Variants in CENPE observed in about 807,000 individuals in gnomAD.
CENPE encodes the protein centromere-associated protein E.
Under a neutral mutation model 336.1 loss-of-function variants are expected in CENPE, and 145 were observed. That is an observed-to-expected ratio of 0.43 (90% CI 0.38 to 0.50). CENPE has a LOEUF of 0.50. Among genes scored for constraint, CENPE ranks in the 20% least tolerant of loss-of-function variants. CENPE has a pLI of 0.00. For synonymous variants in CENPE, 1,013 were observed against 984.8 expected, an observed-to-expected ratio of 1.03 and a Z score of -0.54; for missense variants, 2,719 against 3,023.3, an observed-to-expected ratio of 0.90 and a Z score of 2.36.
chr4:103,177,132 C>T lies in CENPE; in HGVS notation c.1243-86G>A. On this transcript the variant is annotated intron_variant, in intron 13 of 48. Transcript: ENST00000265148. Reference sequence around the variant, plus strand: ...GGGAACTAGTTTCTATTTTTGAAAACCATTGACTTGGTAGAATTCTTATTA... The same window carrying T: ...GGGAACTAGTTTCTATTTTTGAAAATCATTGACTTGGTAGAATTCTTATTA... 5.5e-6 allele frequency: 6 copies of T among 1,095,670 alleles called. No homozygotes were observed. In the South Asian group the frequency reaches 9.6e-5, roughly 17 times the overall value. The allele number at this position is 1,095,670 out of a possible 1,614,324, so 67.9% of individuals were successfully genotyped here.
chr4:103,150,449 G>C (rs558602502), intron 26 of CENPE, among the ~76,000 whole-genome samples: 6 of 152,094 alleles, frequency 3.9e-5, no homozygotes, highest in African/African-American at 1.4e-4. Context: ...GGGTGTTGTG[G>C]CACAGCTAAT....
chr4:103,118,312 C>T (rs1750318256), intron 44 of CENPE, among the ~76,000 whole-genome samples: 1 of 152,188 alleles, frequency 6.6e-6, no homozygotes, highest in South Asian at 2.1e-4. Context: ...TCTCTGATGA[C>T]ATATGATATG....
chr4:103,111,437 C>G (rs1749416933), intron 46 of CENPE, among the ~76,000 whole-genome samples: 1 of 152,252 alleles, frequency 6.6e-6, no homozygotes, highest in South Asian at 2.1e-4. Flanking sequence ...TATATGTATT[C>G]AATACATATT....
chr4:103,132,916 C>A lies in CENPE; in HGVS notation c.6721-20G>T. On this transcript the variant is annotated intron_variant, in intron 41 of 48. Coordinates refer to ENST00000265148, the MANE Select transcript of CENPE (RefSeq NM_001813.3). ...AATTTCCTGTGTGAAAAATAAGCGT[C>A]AAATTGTTTAAACATTAGGAAAGTT... The A allele has an allele frequency of 9.1e-7, 1 of 1,097,868 alleles. No individual in the cohort carries two copies. Among genetic ancestry groups the A allele is most frequent in the South Asian group, 2.3e-5 (1 of 44,320 alleles). 68.0% of individuals were successfully genotyped at this position (1,097,868 alleles called of 1,614,324 possible). A position where few individuals can be genotyped will look rare whatever the true frequency, so the allele number is the denominator to read the frequency against.
At chr4:103,189,979 G>A (rs998297341) in intron 8 of CENPE, among the ~76,000 whole-genome samples, 5 of 152,134 alleles carry the variant, frequency 3.3e-5, no homozygotes, top group African/African-American at 1.2e-4. Flanking sequence ...AAAATCACAA[G>A]CATTCTTATA....
chr4:103,194,768 A>T, intron 5 of CENPE, 84 bp from the exon 6 acceptor site: 2 of 1,003,958 alleles, frequency 2.0e-6, no homozygotes, highest in Non-Finnish European at 2.9e-6. Flanking sequence ...CTATTATAGA[A>T]TTCATTTGTG....
At chr4:103,167,810 G>A (rs1020055776) in intron 16 of CENPE, among the ~76,000 whole-genome samples, 1 of 152,132 alleles carries the variant, frequency 6.6e-6, no homozygotes, top group African/African-American at 2.4e-5. Flanking sequence ...GCCCTGTTTG[G>A]CCTAGAGTCT....
chr4:103,178,261 G>A (rs1355513465), intron 13 of CENPE, among the ~76,000 whole-genome samples: 1 of 151,906 alleles, frequency 6.6e-6, no homozygotes, highest in Non-Finnish European at 1.5e-5. Context: ...CCAGAAGACC[G>A]GCTGACAAGA....
chr4:103,178,232 C>A (rs1168590671), intron 13 of CENPE, among the ~76,000 whole-genome samples: 1 of 152,108 alleles, frequency 6.6e-6, no homozygotes, highest in Admixed American at 6.5e-5. Context: ...GCCTCCTGAG[C>A]ACTGCCAGAG....
Position 103,182,717 on chromosome 4 carries a change from A to G in CENPE, c.963+45T>C, listed in dbSNP as rs753860425. 3 of 1,494,526 alleles carry G rather than the reference A, an allele frequency of 2.0e-6. No homozygotes were observed. The East Asian group carries it at 7.1e-5, about 35-fold the overall frequency. The allele number at this position is 1,494,526 out of a possible 1,614,324, so 92.6% of individuals were successfully genotyped here. Reference sequence around the variant, plus strand: ...TTAGTAGGTAATGTTTTCTTCTTCAAGCTGATCTTCCCCTATATTAAGCTG... The same window carrying G: ...TTAGTAGGTAATGTTTTCTTCTTCAGGCTGATCTTCCCCTATATTAAGCTG... On this transcript the variant is annotated intron_variant, in intron 11 of 48. Transcript: ENST00000265148.
intron 16 of CENPE, among the ~76,000 whole-genome samples, chr4:103,167,111 C>T (rs1451396581): frequency 2.0e-5 from 3 of 152,098 alleles, no homozygotes; most frequent in Non-Finnish European, 4.4e-5. Context: ...ACAAAATTAG[C>T]TTCTCCAGCT....
chr4:103,132,983 T>TATATATATATATATATATATATAA (rs1185133774), intron 41 of CENPE, 87 bp from the exon 42 acceptor site: 32 of 191,144 alleles, frequency 1.7e-4, no homozygotes, highest in African/African-American at 2.5e-4. Flanking sequence ...TATATATATA[T>TATATATATATATATATATATATAA]AAAATAAAAA....
chr4:103,162,551 T>C (rs1187530004), intron 18 of CENPE, among the ~76,000 whole-genome samples: 1 of 151,052 alleles, frequency 6.6e-6, no homozygotes, highest in Non-Finnish European at 1.5e-5. Context: ...CTGAAAAAAA[T>C]TCGGAATTTT....
intron 28 of CENPE, 74 bp from the exon 29 acceptor site, chr4:103,147,720 A>AACAGAGTGAGATGCCG: frequency 7.5e-7 from 1 of 1,341,340 alleles, no homozygotes; most frequent in Non-Finnish European, 1.0e-6. Context: ...TTGAGACGGC[A>AACAGAGTGAGATGCCG]TCTCACTCTG....
chr4:103,152,798 T>C (rs1753668574), intron 25 of CENPE, among the ~76,000 whole-genome samples: 1 of 152,128 alleles, frequency 6.6e-6, no homozygotes, highest in African/African-American at 2.4e-5. Flanking sequence ...GGACTGATAA[T>C]CTGGCGGGGA....
chr4:103,185,562 T>C (rs1275448986), intron 9 of CENPE, among the ~76,000 whole-genome samples: 1 of 152,108 alleles, frequency 6.6e-6, no homozygotes, highest in African/African-American at 2.4e-5. Context: ...GCTTTCCTGC[T>C]GTACAATCCC....
intron 24 of CENPE, among the ~76,000 whole-genome samples, chr4:103,153,527 C>T (rs1004493399): frequency 3.3e-5 from 5 of 152,144 alleles, no homozygotes; most frequent in Non-Finnish European, 7.4e-5. Flanking sequence ...AGTTTGTGCT[C>T]TTACGTCTGT....
intron 11 of CENPE, among the ~76,000 whole-genome samples, chr4:103,182,117 G>A (rs1257808467): frequency 4.1e-5 from 6 of 147,158 alleles, no homozygotes; most frequent in Non-Finnish European, 7.4e-5. Flanking sequence ...TTGAGACATA[G>A]TTTCGCTCTT....
intron 43 of CENPE, 42 bp downstream of exon 43, chr4:103,122,829 T>C (rs1750755326): frequency 6.9e-7 from 1 of 1,448,810 alleles, no homozygotes; most frequent in South Asian, 1.2e-5. Context: ...AACTCTGTGA[T>C]GAAGCTGCAA....
Sources: gnomAD v4.1 joint callset for allele counts (sites outside exome capture counted in the v4.1 genomes callset) on GRCh38, gnomAD v4.1.1 for gene constraint, MANE v1.5 for transcripts, NCBI Gene and HGNC (gene_info 2026-07-23, HGNC 2026-07-21) for gene names.